The following DEPDC7 variants were observed in gnomAD, a reference collection of about 807,000 sequenced individuals.
DEPDC7 encodes DEP domain-containing protein 7.
Under a neutral mutation model 56.6 loss-of-function variants are expected in DEPDC7, and 41 were observed. The observed-to-expected ratio is 0.72, with a 90% confidence interval of 0.56 to 0.94. DEPDC7 has a LOEUF of 0.94. DEPDC7 is among the 40% of genes least tolerant of loss of function. The pLI is 0.00. For missense variants in DEPDC7, 522 were observed against 596.3 expected (o/e 0.88, Z 1.30); for synonymous variants, 185 against 208.8 (o/e 0.89, Z 0.98).
At position 33,032,733 on chromosome 11, in the gene DEPDC7, C is replaced by A; in HGVS notation, c.1203C>A (p.Ser401=). The A allele has an allele frequency of 6.2e-7, 1 of 1,606,724 alleles. No homozygotes were observed. The highest frequency in any genetic ancestry group is 1.1e-5 in the South Asian group (1 of 89,318). The change falls in exon 7 of 9, where the codon TCC becomes TCA. Residue 401 remains serine (S), a synonymous_variant. Coordinates refer to ENST00000241051, the MANE Select transcript of DEPDC7 (RefSeq NM_001077242.2). Reference sequence around the variant, plus strand: ...CTATTGTTGACAATAAAAATTTATCCAAAGGCAAAACAGATCTTCTGGTAC... The same window carrying A: ...CTATTGTTGACAATAAAAATTTATCAAAAGGCAAAACAGATCTTCTGGTAC... ...SKAIVDNKNL[S]KGKTDLLVLF...
chr11:33,031,641 A>C, intron 5 of DEPDC7, 52 bp downstream of exon 5: 1 of 1,460,134 alleles, frequency 6.8e-7, no homozygotes, highest in Non-Finnish European at 9.6e-7. Context: ...GGAAACAAGA[A>C]AAAGTTAGTT....
chr11:33,030,772 C>T (rs1021647556), intron 4 of DEPDC7, among the ~76,000 whole-genome samples: 10 of 152,020 alleles, frequency 6.6e-5, no homozygotes, highest in East Asian at 1.9e-4. Context: ...TTAATAGAGA[C>T]GGGATTTCAC....
intron 1 of DEPDC7, among the ~76,000 whole-genome samples, chr11:33,017,605 G>A (rs1258555597): frequency 5.3e-5 from 8 of 152,274 alleles, no homozygotes; most frequent in African/African-American, 1.9e-4. Flanking sequence ...TCCCGACCTG[G>A]TAACATTTGT....
Position 33,025,948 on chromosome 11 carries a change from AC to A in DEPDC7, c.365del (p.Pro122LeufsTer23), listed in dbSNP as rs781700415. On this transcript the variant is annotated frameshift_variant, in exon 2 of 9. Transcript: ENST00000241051. LOFTEE classifies it high-confidence loss of function. ...PTKVFGKDKK[P>X]TFEDSSCSLY... ...CCAAAGTCTTTGGAAAAGACAAAAAACCTACATTTGAAGATAGTAGTTGCAG... is the reference window on the plus strand; with the variant it reads ...CCAAAGTCTTTGGAAAAGACAAAAAACTACATTTGAAGATAGTAGTTGCAG... 1 of 1,614,088 alleles carries A rather than the reference AC, an allele frequency of 6.2e-7. No homozygotes were observed. Among genetic ancestry groups the A allele is most frequent in the South Asian group, 1.1e-5 (1 of 91,084 alleles).
intron 2 of DEPDC7, among the ~76,000 whole-genome samples, chr11:33,027,432 G>T (rs909762801): frequency 6.6e-6 from 1 of 152,098 alleles, no homozygotes; most frequent in South Asian, 2.1e-4. Context: ...ATGTTTGATC[G>T]CATTTTTAAA....
intron 1 of DEPDC7, among the ~76,000 whole-genome samples, chr11:33,019,127 C>T (rs1461840415): frequency 6.6e-6 from 1 of 152,126 alleles, no homozygotes; most frequent in African/African-American, 2.4e-5. Context: ...GTGTCTGCTG[C>T]GTTAACTCAA....
chr11:33,023,241 A>G (rs1423569789), intron 1 of DEPDC7, among the ~76,000 whole-genome samples: 2 of 152,090 alleles, frequency 1.3e-5, no homozygotes, highest in African/African-American at 4.8e-5. Flanking sequence ...AAAAAAAAAA[A>G]AAAATCTTGC....
chr11:33,017,509 A>G (rs1351497342), intron 1 of DEPDC7, among the ~76,000 whole-genome samples: 1 of 152,224 alleles, frequency 6.6e-6, no homozygotes, highest in Non-Finnish European at 1.5e-5. Flanking sequence ...CAGGAATCAA[A>G]GGAACACTGT....
In DEPDC7 at chr11:33,028,626, G is replaced by T; in HGVS notation, c.616G>T (p.Glu206Ter). ...AGTTATTAATGAAGTGTGGCAAGAAGAAACAATTGGGCGTCTACTACAACT... is the reference window on the plus strand; with the variant it reads ...AGTTATTAATGAAGTGTGGCAAGAATAAACAATTGGGCGTCTACTACAACT... ...PQVINEVWQEETIGRLLQLVD... is the reference protein window; with the variant it reads ...PQVINEVWQE Residue 206 changes from glutamate (E) to a stop codon, truncating the protein, a stop_gained, in exon 4 of 9, where the codon GAA (glutamate) becomes TAA (stop). Transcript: ENST00000241051. LOFTEE classifies it high-confidence loss of function. 1 of 1,597,318 alleles carries T rather than the reference G, an allele frequency of 6.3e-7. No homozygotes were observed. Among genetic ancestry groups the T allele is most frequent in the Non-Finnish European group, 8.5e-7 (1 of 1,175,524 alleles).
Position 33,031,643 on chromosome 11 carries a change from AAGTT to A in DEPDC7, c.994+59_994+62del, listed in dbSNP as rs1256015050. On this transcript the variant is annotated intron_variant, in intron 5 of 8. Transcript: ENST00000241051. ...TTTATCTTTTGGAGGAAACAAGAAA[AAGTT>A]AGTTCTCAAACTGAACCAGAATAGT... The A allele has an allele frequency of 5.5e-6, 8 of 1,444,886 alleles. No homozygotes were observed. The African/African-American group carries it at 8.4e-5, about 15-fold the overall frequency. 89.5% of individuals were successfully genotyped at this position (1,444,886 alleles called of 1,614,324 possible). A position where few individuals can be genotyped will look rare whatever the true frequency, so the allele number is the denominator to read the frequency against.
chr11:33,030,162 A>G (rs1161885666), intron 4 of DEPDC7, among the ~76,000 whole-genome samples: 1 of 152,090 alleles, frequency 6.6e-6, no homozygotes, highest in Non-Finnish European at 1.5e-5. Flanking sequence ...GTTTCACCAT[A>G]TTGGCCAGGG....
In DEPDC7 at chr11:33,025,927, A is replaced by G; in HGVS notation, c.342A>G (p.Lys114=). ...DYKVFEAVPT[K]VFGKDKKPTF... ...AAGTATTTGAAGCAGTTCCAACCAA[A>G]GTCTTTGGAAAAGACAAAAAACCTA... The change falls in exon 2 of 9, where the codon AAA becomes AAG. Residue 114 remains lysine (K), a synonymous_variant. Transcript: ENST00000241051. The G allele has an allele frequency of 6.2e-7, 1 of 1,614,128 alleles. No individual in the cohort carries two copies. Among genetic ancestry groups the G allele is most frequent in the East Asian group, 2.2e-5 (1 of 44,874 alleles).
At chr11:33,029,572 G>A (rs2133666372) in intron 4 of DEPDC7, among the ~76,000 whole-genome samples, 1 of 151,666 alleles carries the variant, frequency 6.6e-6, no homozygotes, top group South Asian at 2.1e-4. Context: ...AGGTTTGAAG[G>A]CTTAACTTTA....
intron 2 of DEPDC7, chr11:33,026,293 A>T (rs1853577666): frequency 7.9e-6 from 4 of 504,552 alleles, no homozygotes; most frequent in African/African-American, 7.7e-5. Flanking sequence ...TTATAGTTGC[A>T]GTGTAAAAAG....
rs916029536 is a variant in DEPDC7, at chr11:33,033,546, A to G, written c.*91A>G. 3 of 992,826 alleles carry G rather than the reference A, an allele frequency of 3.0e-6. No individual in the cohort carries two copies. In the African/African-American group the frequency reaches 5.0e-5, roughly 17 times the overall value. 61.5% of individuals were successfully genotyped at this position (992,826 alleles called of 1,614,324 possible). The stretch of plus-strand genomic sequence containing the variant: ...ACATTTGTAAGCGTGGAAGCTCTAA[A>G]TTTGAAACTGTACTTAATAAAAATT... On this transcript the variant is annotated 3_prime_UTR_variant, in exon 9 of 9. Transcript: ENST00000241051.
At chr11:33,016,569 G>A in intron 1 of DEPDC7, 2 of 1,614,146 alleles carry the variant, frequency 1.2e-6, no homozygotes, top group Non-Finnish European at 1.7e-6. Context: ...TCTACTGGCA[G>A]GAATTTGGCA....
intron 1 of DEPDC7, among the ~76,000 whole-genome samples, chr11:33,017,282 G>C (rs1853474327): frequency 6.6e-6 from 1 of 152,188 alleles, no homozygotes; most frequent in Non-Finnish European, 1.5e-5. Context: ...ATTGAAAACA[G>C]TCTTGAGAAA....
In DEPDC7 at chr11:33,025,800, TG is replaced by T; in HGVS notation, c.217del (p.Asp73MetfsTer7). 1 of 1,614,192 alleles carries T rather than the reference TG, an allele frequency of 6.2e-7. No homozygotes were observed. The highest frequency in any genetic ancestry group is 8.5e-7 in the Non-Finnish European group (1 of 1,180,032). On this transcript the variant is annotated frameshift_variant, in exon 2 of 9. Transcript: ENST00000241051. LOFTEE classifies it high-confidence loss of function. ...HNDCFVGSEA[V>X]DVIFSHLIQN... ...GACTGCTTTGTTGGTTCAGAAGCTG[TG>T]GATGTCATTTTTTCTCACCTAATTC...
chr11:33,020,749 C>T (rs1177320369), intron 1 of DEPDC7, among the ~76,000 whole-genome samples: 9 of 152,216 alleles, frequency 5.9e-5, no homozygotes, highest in Admixed American at 3.3e-4. Flanking sequence ...GCAATCTTCC[C>T]GCCATGGCCT....
Sources: allele counts gnomAD v4.1 joint callset (sites outside exome capture counted in the v4.1 genomes callset), GRCh38; gene constraint gnomAD v4.1.1; transcripts MANE v1.5; gene names NCBI Gene and HGNC (gene_info 2026-07-23, HGNC 2026-07-21).